Variants in NSMAF observed in about 807,000 individuals in gnomAD.
NSMAF encodes the protein neutral sphingomyelinase activation associated factor.
A neutral mutation model predicts 134.9 loss-of-function variants in NSMAF; 90 were observed. The observed-to-expected ratio is 0.67, with a 90% CI of 0.56 to 0.79. The LOEUF is 0.79. Ranked by LOEUF, NSMAF falls within the 30% of genes least tolerant of loss-of-function variation. The probability of loss-of-function intolerance (pLI) is 0.00; values close to 1 mark genes in which losing one functional copy is unlikely to be tolerated. For synonymous variants in NSMAF, 358 were observed against 389.6 expected (o/e 0.92, Z 0.96); for missense variants, 1,010 against 1,119.0 (o/e 0.90, Z 1.39).
Position 58,594,236 on chromosome 8 carries a change from G to C in NSMAF, c.1947C>G (p.Ser649=). 2 of 1,613,914 alleles carry C rather than the reference G, an allele frequency of 1.2e-6. No individual in the cohort carries two copies. Among genetic ancestry groups the C allele is most frequent in the Non-Finnish European group, 8.5e-7 (1 of 1,179,826 alleles). The change falls in exon 23 of 31, where the codon TCC becomes TCG. Residue 649 remains serine, a synonymous_variant. Transcript: ENST00000038176. The part of the protein sequence containing the change: ...SRNGSSVFTT[S]QDSTLKMFSK... ...CTTTCGGGGAGGAACACTGACCTTG[G>C]GATGTTGTGAATACTGAAGATCCAT...
At chr8:58,589,405 C>A in intron 26 of NSMAF, 47 bp downstream of exon 26, 1 of 1,383,094 alleles carries the variant, frequency 7.2e-7, no homozygotes, top group Non-Finnish European at 9.4e-7. Flanking sequence ...TATACATATG[C>A]CATATAGCAC....
chr8:58,631,099 A>G (rs1356558238), intron 6 of NSMAF, among the ~76,000 whole-genome samples: 3 of 152,244 alleles, frequency 2.0e-5, no homozygotes, highest in African/African-American at 7.2e-5. Flanking sequence ...GTACTTACAA[A>G]TTATTATTGA....
intron 1 of NSMAF, among the ~76,000 whole-genome samples, chr8:58,646,160 C>G (rs933924896): frequency 1.3e-5 from 2 of 152,170 alleles, no homozygotes; most frequent in Non-Finnish European, 2.9e-5. Flanking sequence ...TTGACCTGTC[C>G]TCCATATCTA....
chr8:58,587,297 C>T (rs1805907428), intron 27 of NSMAF, among the ~76,000 whole-genome samples: 1 of 152,164 alleles, frequency 6.6e-6, no homozygotes, highest in Non-Finnish European at 1.5e-5. Flanking sequence ...GGATCATAGG[C>T]CCTATCTTGT....
At chr8:58,598,001 C>A in intron 19 of NSMAF, 99 bp from the exon 20 acceptor site, 1 of 855,480 alleles carries the variant, frequency 1.2e-6, no homozygotes, top group South Asian at 1.5e-5. Flanking sequence ...AACTCATGTT[C>A]AAAGAAATTG....
At chr8:58,615,586 G>A (rs1390494820) in intron 9 of NSMAF, among the ~76,000 whole-genome samples, 1 of 151,934 alleles carries the variant, frequency 6.6e-6, no homozygotes, top group African/African-American at 2.4e-5. Context: ...ATTACCTATG[G>A]GCCAAAGGAG....
chr8:58,608,335 A>AT (rs1806454222), intron 10 of NSMAF, among the ~76,000 whole-genome samples: 1 of 152,184 alleles, frequency 6.6e-6, no homozygotes, highest in Non-Finnish European at 1.5e-5. Context: ...AGGCCTCTGA[A>AT]TTTTTTCTTT....
At chr8:58,648,161 T>C (rs746808464) in intron 1 of NSMAF, among the ~76,000 whole-genome samples, 41 of 152,188 alleles carry the variant, frequency 2.7e-4, no homozygotes, top group Non-Finnish European at 5.3e-4. Context: ...TTGGCTGCAT[T>C]TGTGTCCATG....
chr8:58,630,568 G>A (rs866909539), intron 6 of NSMAF, among the ~76,000 whole-genome samples: 2 of 152,100 alleles, frequency 1.3e-5, no homozygotes, highest in Non-Finnish European at 2.9e-5. Flanking sequence ...TGGAGGTGCT[G>A]TAACAAAAAC....
chr8:58,589,452 C>A lies in NSMAF; in HGVS notation c.2211G>T (p.Lys737Asn). 6.8e-7 allele frequency: 1 copy of A among 1,462,942 alleles called. No homozygotes were observed. Among genetic ancestry groups the A allele is most frequent in the Non-Finnish European group, 9.0e-7 (1 of 1,110,842 alleles). 90.6% of individuals were successfully genotyped at this position (1,462,942 alleles called of 1,614,324 possible). ...LYSASWDSTV[K>N]VWSGVPAEMP... ...AAAACTTTTTAAATTATATATGAACCTTCACTGTAGAGTCCCACGATGCAG... is the reference window on the plus strand; with the variant it reads ...AAAACTTTTTAAATTATATATGAACATTCACTGTAGAGTCCCACGATGCAG... Residue 737 changes from lysine (K) to asparagine (N), a missense_variant and splice_region_variant, in exon 26 of 31, where the codon AAG becomes AAT. Transcript: ENST00000038176.
intron 2 of NSMAF, 151 bp downstream of exon 2, chr8:58,642,833 T>C: frequency 1.5e-6 from 1 of 658,342 alleles, no homozygotes; most frequent in South Asian, 1.8e-5. Context: ...TAGGTTATAA[T>C]CCTCAATAAA....
intron 13 of NSMAF, among the ~76,000 whole-genome samples, chr8:58,603,002 G>A (rs182620562): frequency 6.6e-6 from 1 of 152,126 alleles, no homozygotes; most frequent in Admixed American, 6.5e-5. Context: ...GAAGTATGGT[G>A]GAAAAAACAT....
chr8:58,652,598 CCTGAAGT>C (rs1807611460), intron 1 of NSMAF, among the ~76,000 whole-genome samples: 1 of 152,144 alleles, frequency 6.6e-6, no homozygotes, highest in Non-Finnish European at 1.5e-5. Context: ...GCTGGTTTCT[CCTGAAGT>C]CTGAAGTTGG....
At chr8:58,628,311 T>C (rs1806982757) in intron 6 of NSMAF, among the ~76,000 whole-genome samples, 3 of 152,150 alleles carry the variant, frequency 2.0e-5, no homozygotes, top group South Asian at 2.1e-4. Context: ...AAAACTCTTC[T>C]TTAGTGTATC....
chr8:58,597,310 T>C lies in NSMAF; in HGVS notation c.1792+77A>G, dbSNP rs573890020. On this transcript the variant is annotated intron_variant, in intron 21 of 30. Transcript: ENST00000038176. ...CTAAGTAGCACAACAGTATACGTCTTATCTCCTCTTCAGAAACATTTTCAT... is the reference window on the plus strand; with the variant it reads ...CTAAGTAGCACAACAGTATACGTCTCATCTCCTCTTCAGAAACATTTTCAT... 140 of 1,305,950 alleles carry C rather than the reference T, an allele frequency of 1.1e-4. 1 individual carries two copies. In the South Asian group the frequency reaches 1.7e-3, roughly 16 times the overall value. 80.9% of individuals were successfully genotyped at this position (1,305,950 alleles called of 1,614,324 possible).
chr8:58,601,043 A>G (rs1806267058), intron 16 of NSMAF: 2 of 350,418 alleles, frequency 5.7e-6, no homozygotes, highest in Admixed American at 4.4e-5. Flanking sequence ...ATAATATGGG[A>G]AAAACTTTAA....
At chr8:58,597,674 C>T in intron 20 of NSMAF, 124 bp from the exon 21 acceptor site, 1 of 1,022,048 alleles carries the variant, frequency 9.8e-7, no homozygotes, top group East Asian at 2.4e-5. Context: ...AACTATGTAC[C>T]AGGATTGTCT....
chr8:58,605,965 T>C lies in NSMAF; in HGVS notation c.830A>G (p.Asp277Gly), dbSNP rs755237683. ...DIYLKFYEPQ[D>G]RDDLYFYIAT... ...AATGTAAAAATAGAGATCATCTCTATCTTGAGGTTCATAGAACTTTAGGTA... is the reference window on the plus strand; with the variant it reads ...AATGTAAAAATAGAGATCATCTCTACCTTGAGGTTCATAGAACTTTAGGTA... The change falls in exon 12 of 31, where the codon GAT (aspartate) becomes GGT (glycine). Residue 277 changes from aspartate to glycine, a missense_variant. Transcript: ENST00000038176. The C allele has an allele frequency of 1.2e-6, 2 of 1,600,792 alleles. No homozygotes were observed. Among genetic ancestry groups the C allele is most frequent in the Non-Finnish European group, 1.7e-6 (2 of 1,175,306 alleles).
Position 58,643,175 on chromosome 8 carries a change from A to C in NSMAF, c.60-102T>G, listed in dbSNP as rs181119457. The C allele has an allele frequency of 2.0e-3, 1,632 of 809,362 alleles. 6 individuals carry two copies. Among genetic ancestry groups the C allele is most frequent in the Non-Finnish European group, 2.6e-3 (1,211 of 474,706 alleles). 50.1% of individuals were successfully genotyped at this position (809,362 alleles called of 1,614,324 possible). ...ATCCCAAAAAGCTTTTCCATTCTTG[A>C]ATTTAACAAACATTTATGAAGCATG... On this transcript the variant is annotated intron_variant, in intron 1 of 30. Transcript: ENST00000038176.
Sources: gnomAD v4.1 joint callset for allele counts (sites outside exome capture counted in the v4.1 genomes callset) on GRCh38, gnomAD v4.1.1 for gene constraint, MANE v1.5 for transcripts, NCBI Gene and HGNC (gene_info 2026-07-23, HGNC 2026-07-21) for gene names.